The following DOCK1 variants were observed in gnomAD, a reference collection of about 807,000 sequenced individuals.
DOCK1 encodes dedicator of cytokinesis protein 1.
DOCK1 carries 138 observed loss-of-function variants against 262.7 expected under a neutral mutation model. That is an observed-to-expected ratio of 0.53 (90% confidence interval 0.46 to 0.61). The LOEUF (loss-of-function observed/expected upper bound fraction) is 0.61, where lower values mean the gene tolerates loss of function less well. Among genes scored for constraint, DOCK1 ranks in the 20% least tolerant of loss-of-function variants. DOCK1 has a pLI of 0.00. For missense variants in DOCK1, 1,908 were observed against 2,370.7 expected (o/e 0.80, Z 4.05); for synonymous variants, 866 against 867.4 (o/e 1.00, Z 0.03).
chr10:126,937,297 G>C (rs898400290), intron 1 of DOCK1, among the ~76,000 whole-genome samples: 8 of 152,260 alleles, frequency 5.3e-5, no homozygotes, highest in Admixed American at 3.9e-4. Flanking sequence ...TATGAACATG[G>C]GTGTACAAAT....
At chr10:127,044,369 T>A (rs1049338625) in intron 21 of DOCK1, among the ~76,000 whole-genome samples, 2 of 152,126 alleles carry the variant, frequency 1.3e-5, no homozygotes, top group African/African-American at 4.8e-5. Flanking sequence ...AGCTGTGAGG[T>A]CCTCAAGCCT....
intron 40 of DOCK1, 97 bp downstream of exon 40, chr10:127,404,526 G>A (rs371821641): frequency 8.4e-7 from 1 of 1,183,688 alleles, no homozygotes; most frequent in Admixed American, 2.0e-5. Flanking sequence ...GCATCCGCGT[G>A]GGATCGTGCA....
chr10:127,121,267 C>T (rs2049547253), intron 25 of DOCK1, among the ~76,000 whole-genome samples: 1 of 149,462 alleles, frequency 6.7e-6, no homozygotes, highest in African/African-American at 2.5e-5. Flanking sequence ...TTGTTGGCTT[C>T]CCAGGCCATC....
intron 27 of DOCK1, among the ~76,000 whole-genome samples, chr10:127,148,124 CG>C (rs2133407796): frequency 6.6e-6 from 1 of 151,638 alleles, no homozygotes; most frequent in Non-Finnish European, 1.5e-5. Flanking sequence ...CACAGCAATG[CG>C]TTTCACAAGC....
At chr10:127,235,876 A>G (rs1017612371) in intron 27 of DOCK1, among the ~76,000 whole-genome samples, 6 of 151,962 alleles carry the variant, frequency 3.9e-5, no homozygotes, top group African/African-American at 1.5e-4. Flanking sequence ...GACTAGTAAG[A>G]TAGACCATGC....
At chr10:127,191,356 C>G (rs1229594274) in intron 27 of DOCK1, among the ~76,000 whole-genome samples, 3 of 152,276 alleles carry the variant, frequency 2.0e-5, no homozygotes, top group East Asian at 3.9e-4. Flanking sequence ...GCTGCAACAG[C>G]TCAGTACATA....
At chr10:126,916,637 C>T (rs2134059656) in intron 1 of DOCK1, among the ~76,000 whole-genome samples, 1 of 152,148 alleles carries the variant, frequency 6.6e-6, no homozygotes, top group South Asian at 2.1e-4. Flanking sequence ...TCCCTTCTCC[C>T]CTTCTTCCCT....
chr10:127,131,606 G>T (rs1029644969), intron 27 of DOCK1, among the ~76,000 whole-genome samples: 2 of 152,182 alleles, frequency 1.3e-5, no homozygotes, highest in Non-Finnish European at 1.5e-5. Context: ...ATGCTACCCT[G>T]TTTAGGATGC....
At chr10:126,967,421 G>C (rs973594654) in intron 1 of DOCK1, among the ~76,000 whole-genome samples, 53 of 152,216 alleles carry the variant, frequency 3.5e-4, no homozygotes, top group African/African-American at 1.2e-3. Context: ...CTGGGTTTAG[G>C]TGCCTGCAGT....
At chr10:127,029,692 G>A (rs2043108706) in intron 16 of DOCK1, among the ~76,000 whole-genome samples, 1 of 152,190 alleles carries the variant, frequency 6.6e-6, no homozygotes, top group Admixed American at 6.5e-5. Flanking sequence ...CATGATGGCT[G>A]CTAGTGAGCA....
At chr10:127,099,721 C>CA (rs1233296740) in intron 23 of DOCK1, among the ~76,000 whole-genome samples, 1 of 152,158 alleles carries the variant, frequency 6.6e-6, no homozygotes, top group African/African-American at 2.4e-5. Flanking sequence ...CCCTATGACC[C>CA]AGACACCTCC....
At chr10:126,948,576 C>T (rs896042812) in intron 1 of DOCK1, among the ~76,000 whole-genome samples, 1 of 151,986 alleles carries the variant, frequency 6.6e-6, no homozygotes, top group Non-Finnish European at 1.5e-5. Context: ...GATAGGCACC[C>T]TGAAACAGGG....
At chr10:126,990,407 A>G in intron 5 of DOCK1, 48 bp from the exon 6 acceptor site, 1 of 1,550,396 alleles carries the variant, frequency 6.4e-7, no homozygotes, top group Non-Finnish European at 8.7e-7. Context: ...CATCTCCACA[A>G]TGCTGTTTTA....
At chr10:127,192,605 A>T (rs1439675057) in intron 27 of DOCK1, 1 of 152,242 alleles carries the variant, frequency 6.6e-6, no homozygotes, top group Non-Finnish European at 1.5e-5. Context: ...TGTGACTTAC[A>T]GTAGAGGGGT....
At chr10:126,913,462 G>A (rs2032103321) in intron 1 of DOCK1, among the ~76,000 whole-genome samples, 1 of 152,222 alleles carries the variant, frequency 6.6e-6, no homozygotes, top group Admixed American at 6.5e-5. Flanking sequence ...AGCCCACGAG[G>A]CTGGCTTCTG....
At chr10:127,451,086 A>G (rs997348057) in intron 51 of DOCK1, among the ~76,000 whole-genome samples, 1 of 152,052 alleles carries the variant, frequency 6.6e-6, no homozygotes, top group African/African-American at 2.4e-5. Context: ...GGGCAATGGT[A>G]CCTCTCAGGG....
chr10:126,990,905 TACTTTCTG>T (rs1375245467), intron 6 of DOCK1, among the ~76,000 whole-genome samples: 1 of 152,188 alleles, frequency 6.6e-6, no homozygotes, highest in Non-Finnish European at 1.5e-5. Flanking sequence ...AAGGAACTTT[TACTTTCTG>T]ACCATAGTTT....
chr10:127,069,527 A>ATTTGAGT (rs1325241930), intron 23 of DOCK1, among the ~76,000 whole-genome samples: 7 of 152,160 alleles, frequency 4.6e-5, no homozygotes, highest in African/African-American at 1.7e-4. Flanking sequence ...TTTTGAGTGG[A>ATTTGAGT]GGAGGGGGTG....
Position 127,383,039 on chromosome 10 carries a change from CT to C in DOCK1, c.3807+1672del, listed in dbSNP as rs1347400021. The stretch of plus-strand genomic sequence containing the variant: ...TTTTTCTAAATATGTTTTGATATTA[CT>C]GTAAATGTGAATTCATGCTAATCAC... On this transcript the variant is annotated intron_variant, in intron 37 of 51. Coordinates refer to ENST00000623213, the MANE Select transcript of DOCK1 (RefSeq NM_001290223.2). Among the ~76,000 whole-genome samples the C allele has an allele frequency of 3.9e-5, 6 of 152,282 alleles. No homozygotes were observed. In the East Asian group the frequency reaches 1.2e-3, roughly 29 times the overall value.
Sources: allele counts gnomAD v4.1 joint callset (sites outside exome capture counted in the v4.1 genomes callset), GRCh38; gene constraint gnomAD v4.1.1; transcripts MANE v1.5; gene names NCBI Gene and HGNC (gene_info 2026-07-23, HGNC 2026-07-21).